The following HTR1D variants were observed in gnomAD, a reference collection of about 807,000 sequenced individuals.
The protein encoded by HTR1D is 5-HT-1D.
In HTR1D, 18 loss-of-function variants were observed where a neutral mutation model predicts 21.1. The observed-to-expected ratio is 0.85, with a 90% CI of 0.59 to 1.27. HTR1D has a LOEUF of 1.27. Among genes scored for constraint, HTR1D ranks in the 50% most tolerant of loss-of-function variants. The probability of loss-of-function intolerance (pLI) is 0.00; values close to 1 mark genes in which losing one functional copy is unlikely to be tolerated. For synonymous variants in HTR1D, 196 were observed against 204.4 expected, an observed-to-expected ratio of 0.96 and a Z score of 0.35; for missense variants, 456 against 481.4, an observed-to-expected ratio of 0.95 and a Z score of 0.49.
chr1:23,196,703 G>A (rs1223680813), intron 1 of HTR1D, among the ~76,000 whole-genome samples: 1 of 152,172 alleles, frequency 6.6e-6, no homozygotes, highest in African/African-American at 2.4e-5. Flanking sequence ...CATCCAACCT[G>A]TAAAGTGGGC....
chr1:23,193,230 G>C lies in HTR1D; in HGVS notation c.990C>G (p.Ser330=). ...CAAAGAGCGCCGGGTGGATCCAGCA[G>C]GAGTCCCGGCAGATGGGGAGGACCA... ...VSLVLPICRD[S]CWIHPALFDF... is the part of the protein sequence containing the mutation. Residue 330 remains serine (S), a synonymous_variant, in exon 2 of 2, where the codon TCC becomes TCG. Coordinates refer to ENST00000374619, the MANE Select transcript of HTR1D (RefSeq NM_000864.5). 1 of 1,614,192 alleles carries C rather than the reference G, an allele frequency of 6.2e-7. No homozygotes were observed. Among genetic ancestry groups the C allele is most frequent in the Non-Finnish European group, 8.5e-7 (1 of 1,180,038 alleles).
At position 23,217,430 on chromosome 1, in the gene HTR1D, G is replaced by T. The variant is rs1053284215; in HGVS notation, c.-922C>A. Among the ~76,000 whole-genome samples the T allele has an allele frequency of 6.6e-6, 1 of 151,884 alleles. No individual in the cohort carries two copies. The highest frequency in any genetic ancestry group is 1.5e-5 in the Non-Finnish European group (1 of 67,908). Reference sequence around the variant, plus strand: ...GGGCCGCCCGCCCCGCCGCCCCGGGGCCCTTTCCGGCTCGCGCCCTCGCGA... The same window carrying T: ...GGGCCGCCCGCCCCGCCGCCCCGGGTCCCTTTCCGGCTCGCGCCCTCGCGA... On this transcript the variant is annotated 5_prime_UTR_variant, in exon 1 of 2. Coordinates refer to ENST00000374619, the MANE Select transcript of HTR1D (RefSeq NM_000864.5). This position sits in a 1 kb window ranked among gnomAD's most constrained non-coding sequence, Gnocchi z 4.6.
chr1:23,203,675 C>A (rs1476050405), intron 1 of HTR1D, among the ~76,000 whole-genome samples: 1 of 152,018 alleles, frequency 6.6e-6, no homozygotes, highest in East Asian at 1.9e-4. Flanking sequence ...CAAACAAAAA[C>A]CTCTGTGAAA....
intron 1 of HTR1D, among the ~76,000 whole-genome samples, chr1:23,212,712 G>T (rs1010368853): frequency 6.6e-6 from 1 of 151,818 alleles, no homozygotes; most frequent in Non-Finnish European, 1.5e-5. Context: ...ACCTTTCTTT[G>T]ACCCCTCTCT....
chr1:23,203,815 A>C (rs1557724260), intron 1 of HTR1D, among the ~76,000 whole-genome samples: 1 of 152,182 alleles, frequency 6.6e-6, no homozygotes, highest in Non-Finnish European at 1.5e-5. Flanking sequence ...ACTATTCATA[A>C]CAACCCCAAA....
chr1:23,213,893 A>G (rs761798335), intron 1 of HTR1D, among the ~76,000 whole-genome samples: 51 of 151,822 alleles, frequency 3.4e-4, no homozygotes, highest in Non-Finnish European at 6.8e-4. Context: ...TTCAAAAGCT[A>G]CCTCCTCCAG....
intron 1 of HTR1D, among the ~76,000 whole-genome samples, chr1:23,215,159 G>A (rs1240678695): frequency 1.3e-5 from 2 of 152,204 alleles, no homozygotes; most frequent in Admixed American, 1.3e-4. Flanking sequence ...GCTCATACCT[G>A]TAGTCCCAGC....
At chr1:23,216,197 G>A (rs1429614976) in intron 1 of HTR1D, among the ~76,000 whole-genome samples, 1 of 152,224 alleles carries the variant, frequency 6.6e-6, no homozygotes. Flanking sequence ...CCCACACCAC[G>A]GGCTCAACTG....
chr1:23,207,283 C>T (rs1277876603), intron 1 of HTR1D, among the ~76,000 whole-genome samples: 1 of 151,986 alleles, frequency 6.6e-6, no homozygotes, highest in Non-Finnish European at 1.5e-5. Context: ...GTGGTACGTG[C>T]CTGTAGTCCC....
At position 23,194,096 on chromosome 1, in the gene HTR1D, C is replaced by T; in HGVS notation, c.124G>A (p.Ala42Thr). 1 of 1,614,116 alleles carries T rather than the reference C, an allele frequency of 6.2e-7. No homozygotes were observed. The highest frequency in any genetic ancestry group is 1.1e-5 in the South Asian group (1 of 91,084). Residue 42 changes from alanine (A) to threonine (T), a missense_variant, in exon 2 of 2, where the codon GCC becomes ACC. Physicochemically the swap from Ala to Thr is moderately conservative, Grantham distance 58. Coordinates refer to ENST00000374619, the MANE Select transcript of HTR1D (RefSeq NM_000864.5). ...RTLQALKISL[A>T]VVLSVITLAT... Reference sequence around the variant, plus strand: ...AGTGTGATGACGGAAAGGACCACGGCAAGGGAGATCTTGAGCGCCTGGAGG... The same window carrying T: ...AGTGTGATGACGGAAAGGACCACGGTAAGGGAGATCTTGAGCGCCTGGAGG...
chr1:23,206,365 C>A (rs1167289116), intron 1 of HTR1D, among the ~76,000 whole-genome samples: 1 of 152,184 alleles, frequency 6.6e-6, no homozygotes, highest in Non-Finnish European at 1.5e-5. Flanking sequence ...CTGACCAGGT[C>A]ACTCCCTTAA....
intron 1 of HTR1D, among the ~76,000 whole-genome samples, chr1:23,200,458 A>G (rs1366171966): frequency 6.6e-6 from 1 of 152,200 alleles, no homozygotes; most frequent in African/African-American, 2.4e-5. Context: ...TGATAATCCA[A>G]ATCTCACAGG....
intron 1 of HTR1D, among the ~76,000 whole-genome samples, chr1:23,201,600 AG>A (rs1644709461): frequency 6.6e-6 from 1 of 152,130 alleles, no homozygotes; most frequent in Non-Finnish European, 1.5e-5. Context: ...TCCAGGTTGG[AG>A]TGCAGTGGCA....
rs1327163845 is a variant in HTR1D at position 23,193,877 on chromosome 1, G to A, written c.343C>T (p.Leu115=). 1 of 1,614,222 alleles carries A rather than the reference G, an allele frequency of 6.2e-7. No individual in the cohort carries two copies. The highest frequency in any genetic ancestry group is 1.7e-5 in the Admixed American group (1 of 60,028). Residue 115 remains leucine, a synonymous_variant, in exon 2 of 2, where the codon CTG becomes TTG. Transcript: ENST00000374619. The part of the protein sequence containing the change: ...NFGQILCDIW[L]SSDITCCTAS... ...GTGCAGCACGTGATGTCAGAGGACA[G>A]CCAGATGTCACACAAGATTTGGCCA...
At chr1:23,202,894 TG>T (rs1644715350) in intron 1 of HTR1D, among the ~76,000 whole-genome samples, 1 of 152,050 alleles carries the variant, frequency 6.6e-6, no homozygotes, top group Non-Finnish European at 1.5e-5. Flanking sequence ...AGAATACATG[TG>T]GGAAGAATCT....
intron 1 of HTR1D, among the ~76,000 whole-genome samples, chr1:23,206,505 G>A (rs1051224877): frequency 5.3e-5 from 8 of 152,170 alleles, no homozygotes; most frequent in African/African-American, 1.9e-4. Flanking sequence ...GCTGTGAACT[G>A]CATACTCCAG....
intron 1 of HTR1D, among the ~76,000 whole-genome samples, chr1:23,210,729 C>T (rs945730801): frequency 6.6e-6 from 1 of 152,086 alleles, no homozygotes; most frequent in Non-Finnish European, 1.5e-5. Flanking sequence ...AAGTCTCCCC[C>T]CCAGCTCTCA....
intron 1 of HTR1D, among the ~76,000 whole-genome samples, chr1:23,196,790 A>G (rs1383016392): frequency 6.6e-6 from 1 of 152,074 alleles, no homozygotes; most frequent in Non-Finnish European, 1.5e-5. Context: ...ACCTGGCTGG[A>G]AGTGGAAAAA....
At position 23,193,844 on chromosome 1, in the gene HTR1D, T is replaced by C; in HGVS notation, c.376A>G (p.Ile126Val). Reference protein sequence around the residue: ...SSDITCCTASILHLCVIALDR... With the variant: ...SSDITCCTASVLHLCVIALDR... ...AGAGCAATGACACAGAGATGCAGGATGGAGGCTGTGCAGCACGTGATGTCA... is the reference window on the plus strand; with the variant it reads ...AGAGCAATGACACAGAGATGCAGGACGGAGGCTGTGCAGCACGTGATGTCA... Residue 126 changes from isoleucine (I) to valine (V), a missense_variant, in exon 2 of 2, where the codon ATC (isoleucine) becomes GTC (valine). By Grantham distance (29) the Ile-to-Val change is conservative. Coordinates refer to ENST00000374619, the MANE Select transcript of HTR1D (RefSeq NM_000864.5). 6.2e-7 allele frequency: 1 copy of C among 1,614,134 alleles called. No individual in the cohort carries two copies. The highest frequency in any genetic ancestry group is 1.3e-5 in the African/African-American group (1 of 75,010).
Sources: allele counts gnomAD v4.1 joint callset (sites outside exome capture counted in the v4.1 genomes callset), GRCh38; gene constraint gnomAD v4.1.1; non-coding constraint Gnocchi (gnomAD v3.1); transcripts MANE v1.5; gene names NCBI Gene and HGNC (gene_info 2026-07-23, HGNC 2026-07-21).